Variants in CIITA observed in about 807,000 individuals in gnomAD.
The protein encoded by CIITA is class II major histocompatibility complex transactivator.
CIITA carries 72 observed loss-of-function variants against 115.1 expected under a neutral mutation model. That is an observed-to-expected ratio of 0.63 (90% CI 0.52 to 0.76). CIITA has a LOEUF of 0.76. Ranked by LOEUF, CIITA falls within the 30% of genes least tolerant of loss-of-function variation. The pLI is 0.00. For missense variants in CIITA, 1,617 were observed against 1,463.8 expected (o/e 1.10, Z -1.71); for synonymous variants, 763 against 635.6 (o/e 1.20, Z -3.02).
downstream of CIITA, chr16:10,937,360 G>A (rs542780949): frequency 9.4e-4 from 144 of 152,456 alleles, no homozygotes; most frequent in African/African-American, 3.1e-3. The surrounding 1 kb of genome is among the most constrained non-coding windows in gnomAD (Gnocchi z 4.2). Context: ...CCTGTGGAAG[G>A]TTTGGGTTTC....
chr16:10,920,449 G>A lies in CIITA; in HGVS notation c.3150-1718G>A, dbSNP rs1244225604. Among the ~76,000 whole-genome samples, 2 of 152,178 alleles carry A rather than the reference G, an allele frequency of 1.3e-5. No homozygotes were observed. Among genetic ancestry groups the A allele is most frequent in the African/African-American group, 4.8e-5 (2 of 41,442 alleles). On this transcript the variant is annotated intron_variant, in intron 16 of 19. Transcript: ENST00000324288. This position sits in a 1 kb window ranked among gnomAD's most constrained non-coding sequence, Gnocchi z 4.5. ...TTCAGTAGAGACAGGGCTTCGCCAT[G>A]TGGCCCAGACTGGTCTTGAAATCCT...
At chr16:10,916,290 G>T (rs2039943859) in intron 14 of CIITA, 77 bp from the exon 15 acceptor site, 1 of 1,366,792 alleles carries the variant, frequency 7.3e-7, no homozygotes, top group African/African-American at 1.4e-5. Flanking sequence ...CAGGGCTGAG[G>T]AGGCCCTCAC....
chr16:10,908,714 C>T (rs964361885), intron 11 of CIITA: 12 of 561,924 alleles, frequency 2.1e-5, no homozygotes, highest in Non-Finnish European at 3.2e-5. Context: ...TCAGCTTAAT[C>T]GCCAGAGGAT....
At position 10,918,436 on chromosome 16, in the gene CIITA, G is replaced by T. The variant is rs772159674; in HGVS notation, c.3063-4G>T. 11 of 1,613,716 alleles carry T rather than the reference G, an allele frequency of 6.8e-6. No homozygotes were observed. The highest frequency in any genetic ancestry group is 9.3e-6 in the Non-Finnish European group (11 of 1,179,750). On this transcript the variant is annotated splice_region_variant and splice_polypyrimidine_tract_variant and intron_variant, in intron 15 of 19. Coordinates refer to ENST00000324288, the MANE Select transcript of CIITA (RefSeq NM_000246.4). Reference sequence around the variant, plus strand: ...GAGCCCTCCCCCTCACTGTGTCCCCGCAGTCTGTCCCAGAACAACATCACT... The same window carrying T: ...GAGCCCTCCCCCTCACTGTGTCCCCTCAGTCTGTCCCAGAACAACATCACT...
chr16:10,905,246 C>G (rs2039056097), intron 10 of CIITA, among the ~76,000 whole-genome samples: 1 of 152,222 alleles, frequency 6.6e-6, no homozygotes, highest in African/African-American at 2.4e-5. Flanking sequence ...TCATTAACAT[C>G]TCACACAATC....
chr16:10,900,683 T>A (rs1180927775), intron 5 of CIITA, among the ~76,000 whole-genome samples: 1 of 151,140 alleles, frequency 6.6e-6, no homozygotes, highest in Non-Finnish European at 1.5e-5. Context: ...GAGGTTGCAG[T>A]GAGCCAAGAT....
intron 14 of CIITA, among the ~76,000 whole-genome samples, chr16:10,915,962 G>C (rs1444585723): frequency 6.6e-6 from 1 of 152,204 alleles, no homozygotes; most frequent in Non-Finnish European, 1.5e-5. Flanking sequence ...GGAATCCCCA[G>C]TGACAAAAAA....
chr16:10,907,865 G>T lies in CIITA; in HGVS notation c.2373G>T (p.Arg791Ser). The T allele has an allele frequency of 1.2e-6, 2 of 1,609,908 alleles. No individual in the cohort carries two copies. The highest frequency in any genetic ancestry group is 1.7e-6 in the Non-Finnish European group (2 of 1,177,556). The part of the protein sequence containing the change: ...SVDRKQKVLA[R>S]YLKRLQPGTL... ...ACAGGAAGCAGAAGGTGCTTGCGAG[G>T]TACCTGAAGCGGCTGCAGCCGGGGA... is the stretch of plus-strand genomic sequence containing the variant. The change falls in exon 11 of 20, where the codon AGG becomes AGT. Residue 791 changes from arginine to serine, a missense_variant. Transcript: ENST00000324288. The surrounding 1 kb of genome is among the most constrained non-coding windows in gnomAD (Gnocchi z 5.0).
chr16:10,891,969 C>T (rs572238420), intron 1 of CIITA, among the ~76,000 whole-genome samples: 3 of 152,312 alleles, frequency 2.0e-5, no homozygotes, highest in African/African-American at 7.2e-5. Flanking sequence ...TTCTCTGTGA[C>T]ATCCGGGGGT....
At position 10,935,944 on chromosome 16, in the gene CIITA, C is replaced by T. The variant is rs2041005596; in HGVS notation, c.*12089C>T. 1 of 152,018 alleles carries T rather than the reference C, an allele frequency of 6.6e-6. No homozygotes were observed. Among genetic ancestry groups the T allele is most frequent in the African/African-American group, 2.4e-5 (1 of 41,400 alleles). 9.4% of individuals were successfully genotyped at this position (152,018 alleles called of 1,614,324 possible). On this transcript the variant is annotated 3_prime_UTR_variant, in exon 20 of 20. Coordinates refer to ENST00000324288, the MANE Select transcript of CIITA (RefSeq NM_000246.4). ...AGCTGATCTGGGATTGCATCTTGGACCTCAACTCTCCCCTTTTTATTGTTA... is the reference window on the plus strand; with the variant it reads ...AGCTGATCTGGGATTGCATCTTGGATCTCAACTCTCCCCTTTTTATTGTTA...
Position 10,929,522 on chromosome 16 carries a change from A to C in CIITA, c.*5667A>C. 6.1e-6 allele frequency: 6 copies of C among 985,524 alleles called. No individual in the cohort carries two copies. The highest frequency in any genetic ancestry group is 7.2e-6 in the Non-Finnish European group (6 of 829,950). 61.0% of individuals were successfully genotyped at this position (985,524 alleles called of 1,614,324 possible). A position where few individuals can be genotyped will look rare whatever the true frequency, so the allele number is the denominator to read the frequency against. On this transcript the variant is annotated 3_prime_UTR_variant, in exon 20 of 20. Coordinates refer to ENST00000324288, the MANE Select transcript of CIITA (RefSeq NM_000246.4). This position sits in a 1 kb window ranked among gnomAD's most constrained non-coding sequence, Gnocchi z 4.3. ...TCCACTCTCCTGGGTTCAAACAGGA[A>C]CCTCTCTGTTGGCACGAAGCTTTTG...
chr16:10,908,118 C>G lies in CIITA; in HGVS notation c.2626C>G (p.Leu876Val). The G allele has an allele frequency of 1.3e-6, 2 of 1,583,874 alleles. No individual in the cohort carries two copies. The highest frequency in any genetic ancestry group is 1.7e-6 in the Non-Finnish European group (2 of 1,164,696). ...TGICPSGLGS[L>V]VGLSCVTRFR... ...CATTTGCCCCTCTGGATTGGGGAGC[C>G]TCGTGGGACTCAGCTGTGTCACCCG... The change falls in exon 11 of 20, where the codon CTC becomes GTC. Residue 876 changes from leucine (L) to valine (V), a missense_variant. Leu to Val is a conservative substitution (Grantham distance 32). Coordinates refer to ENST00000324288, the MANE Select transcript of CIITA (RefSeq NM_000246.4).
At chr16:10,911,235 T>C (rs1296621736) in intron 13 of CIITA, among the ~76,000 whole-genome samples, 2 of 151,800 alleles carry the variant, frequency 1.3e-5, no homozygotes, top group African/African-American at 2.4e-5. Context: ...TTTCTTTCTT[T>C]CTTCTTTCTT....
At chr16:10,905,699 T>C (rs1260888352) in intron 10 of CIITA, among the ~76,000 whole-genome samples, 2 of 149,162 alleles carry the variant, frequency 1.3e-5, no homozygotes, top group Non-Finnish European at 3.0e-5. Context: ...GAGGTGGAGG[T>C]TGCCGTGAGC....
At chr16:10,916,530 T>C in intron 15 of CIITA, 71 bp downstream of exon 15, 1 of 1,353,850 alleles carries the variant, frequency 7.4e-7, no homozygotes. Flanking sequence ...TCAAAATTAA[T>C]TTAAATTTGT....
chr16:10,918,790 A>G (rs1006713377), intron 16 of CIITA, among the ~76,000 whole-genome samples: 2 of 152,216 alleles, frequency 1.3e-5, no homozygotes, highest in East Asian at 1.9e-4. Flanking sequence ...CTGTTATGCA[A>G]TAAATATTGC....
At position 10,935,925 on chromosome 16, in the gene CIITA, T is replaced by C. The variant is rs1343945038; in HGVS notation, c.*12070T>C. On this transcript the variant is annotated 3_prime_UTR_variant, in exon 20 of 20. Transcript: ENST00000324288. Reference sequence around the variant, plus strand: ...GGCTCGAGATTAATGCAAAAGCTGATCTGGGATTGCATCTTGGACCTCAAC... The same window carrying C: ...GGCTCGAGATTAATGCAAAAGCTGACCTGGGATTGCATCTTGGACCTCAAC... 1 of 151,986 alleles carries C rather than the reference T, an allele frequency of 6.6e-6. No individual in the cohort carries two copies. The highest frequency in any genetic ancestry group is 1.5e-5 in the Non-Finnish European group (1 of 68,026). 9.4% of individuals were successfully genotyped at this position (151,986 alleles called of 1,614,324 possible). A position where few individuals can be genotyped will look rare whatever the true frequency, so the allele number is the denominator to read the frequency against.
intron 13 of CIITA, among the ~76,000 whole-genome samples, chr16:10,913,274 CCTTT>C (rs111275305): frequency 0.45 from 68,203 of 150,298 alleles, 15,592 homozygotes; most frequent in Non-Finnish European, 0.48. Context: ...TTCTTTCCCT[CCTTT>C]CTTTCTTTCT....
chr16:10,882,767 C>A (rs1333573874), intron 1 of CIITA, among the ~76,000 whole-genome samples: 4 of 151,906 alleles, frequency 2.6e-5, no homozygotes, highest in Non-Finnish European at 5.9e-5. Context: ...TGTAGTGGTG[C>A]ATGCCTGTAA....
Sources: gnomAD v4.1 joint callset for allele counts (sites outside exome capture counted in the v4.1 genomes callset) on GRCh38, gnomAD v4.1.1 for gene constraint, Gnocchi (gnomAD v3.1) non-coding constraint, MANE v1.5 for transcripts, NCBI Gene and HGNC (gene_info 2026-07-23, HGNC 2026-07-21) for gene names.